SMAD6: variants seen among roughly 807,000 people sequenced by gnomAD.
SMAD6 encodes SMAD family member 6, also known as MAD homolog 6.
In SMAD6, 103 loss-of-function variants were observed where a neutral mutation model predicts 39.4. The observed-to-expected ratio is 2.62, with a 90% CI of 2.23 to 3.08. The LOEUF is 3.08. Ranked by LOEUF, SMAD6 falls within the 30% of genes most tolerant of loss-of-function variation. The pLI, the probability that SMAD6 is intolerant of heterozygous loss-of-function variation, is 0.00. For synonymous variants in SMAD6, 445 were observed against 353.3 expected, an observed-to-expected ratio of 1.26 and a Z score of -2.91; for missense variants, 1,104 against 742.9, an observed-to-expected ratio of 1.49 and a Z score of -5.65.
At chr15:66,723,750 A>G (rs12441023) in intron 3 of SMAD6, among the ~76,000 whole-genome samples, 70 of 152,348 alleles carry the variant, frequency 4.6e-4, no homozygotes, top group Admixed American at 3.5e-3. Context: ...AATCTACTAC[A>G]TGCCAGTGGC....
Position 66,714,631 on chromosome 15 carries a change from G to A in SMAD6, c.875-1790G>A, listed in dbSNP as rs188154069. On this transcript the variant is annotated intron_variant, in intron 2 of 3. Coordinates refer to ENST00000288840, the MANE Select transcript of SMAD6 (RefSeq NM_005585.5). Reference sequence around the variant, plus strand: ...GAGCCCTGATGTTGCTTGACTCATAGTGGAGGCGGGACCTGAACCTGGAGC... The same window carrying A: ...GAGCCCTGATGTTGCTTGACTCATAATGGAGGCGGGACCTGAACCTGGAGC... 1.2e-4 allele frequency among the ~76,000 whole-genome samples: 18 copies of A among 152,318 alleles called. No homozygotes were observed. The East Asian group carries it at 3.1e-3, about 26-fold the overall frequency.
At chr15:66,735,111 C>T (rs538870556) in intron 3 of SMAD6, among the ~76,000 whole-genome samples, 13 of 152,320 alleles carry the variant, frequency 8.5e-5, no homozygotes, top group South Asian at 6.2e-4. Flanking sequence ...GCCCTGGCAG[C>T]GTCATGATGA....
At chr15:66,726,391 C>G (rs1285344260) in intron 3 of SMAD6, among the ~76,000 whole-genome samples, 1 of 152,218 alleles carries the variant, frequency 6.6e-6, no homozygotes, top group Non-Finnish European at 1.5e-5. Flanking sequence ...CCACCAGACT[C>G]TCTCAGCTGG....
intron 2 of SMAD6, among the ~76,000 whole-genome samples, chr15:66,712,059 TC>T (rs1893242813): frequency 6.6e-6 from 1 of 152,202 alleles, no homozygotes; most frequent in South Asian, 2.1e-4. Flanking sequence ...TGTGTCTCTT[TC>T]CTCTCTCTTG....
Position 66,703,064 on chromosome 15 carries a change from C to A in SMAD6, c.-195C>A. On this transcript the variant is annotated 5_prime_UTR_variant, in exon 1 of 4. Transcript: ENST00000288840. ...TCGGCGTGCGCGTGTTCCCGGCCGT[C>A]CCGCCTCGGCGAGCTCCCTCATGTT... 1 of 416,008 alleles carries A rather than the reference C, an allele frequency of 2.4e-6. No homozygotes were observed. Among genetic ancestry groups the A allele is most frequent in the Non-Finnish European group, 4.3e-6 (1 of 230,748 alleles). The allele number at this position is 416,008 out of a possible 1,614,324, so 25.8% of individuals were successfully genotyped here.
rs571692867 is a variant in SMAD6, at chr15:66,762,340, G to A, written c.953-18657G>A. On this transcript the variant is annotated intron_variant, in intron 3 of 3. Coordinates refer to ENST00000288840, the MANE Select transcript of SMAD6 (RefSeq NM_005585.5). ...CAGTAGGCGCTTAGCAAGCGGGTGAGAGGGGCCCTGTCTCAAGGAAACGCC... is the reference window on the plus strand; with the variant it reads ...CAGTAGGCGCTTAGCAAGCGGGTGAAAGGGGCCCTGTCTCAAGGAAACGCC... Among the ~76,000 whole-genome samples the A allele has an allele frequency of 4.4e-3, 664 of 152,332 alleles. 3 individuals are homozygous for A. The highest frequency in any genetic ancestry group is 0.014 in the Middle Eastern group (4 of 294).
intron 3 of SMAD6, among the ~76,000 whole-genome samples, chr15:66,753,636 C>T (rs1894046460): frequency 2.0e-5 from 3 of 152,212 alleles, no homozygotes; most frequent in Non-Finnish European, 4.4e-5. Context: ...TAGCCTTCTG[C>T]CATGGTAGGA....
intron 3 of SMAD6, among the ~76,000 whole-genome samples, chr15:66,742,043 G>GGA (rs1214386934): frequency 2.0e-5 from 3 of 152,310 alleles, no homozygotes; most frequent in African/African-American, 7.2e-5. Flanking sequence ...CCAGGGCAGC[G>GGA]GAGGTCTTGC....
intron 3 of SMAD6, among the ~76,000 whole-genome samples, chr15:66,750,959 G>T (rs374673021): frequency 6.6e-6 from 1 of 152,156 alleles, no homozygotes; most frequent in Non-Finnish European, 1.5e-5. Context: ...TGAGCAGAGC[G>T]CCGGCAGAGG....
At chr15:66,714,490 G>T (rs2140600986) in intron 2 of SMAD6, among the ~76,000 whole-genome samples, 1 of 152,328 alleles carries the variant, frequency 6.6e-6, no homozygotes, top group East Asian at 1.9e-4. Context: ...ACACAGCCAG[G>T]CTTGTCCATT....
intron 3 of SMAD6, 22 bp from the exon 4 acceptor site, chr15:66,780,975 G>A (rs1464691075): frequency 6.5e-7 from 1 of 1,534,086 alleles, no homozygotes; most frequent in East Asian, 2.4e-5. Flanking sequence ...ATAACGCGGC[G>A]GTCCCTGTGC....
Position 66,781,144 on chromosome 15 carries a change from GCCTGGGCCAGCTCAA to G in SMAD6, c.1106_1120del (p.Gly369_Leu373del). Reference sequence around the variant, plus strand: ...GACCTACCTCAGGGCAGCGGCTTCTGCCTGGGCCAGCTCAACCTGGAGCAGCGCAGCGAGTCGGTG... The same window carrying G: ...GACCTACCTCAGGGCAGCGGCTTCTGCCTGGAGCAGCGCAGCGAGTCGGTG... On this transcript the variant is annotated inframe_deletion, in exon 4 of 4. Coordinates refer to ENST00000288840, the MANE Select transcript of SMAD6 (RefSeq NM_005585.5). The G allele has an allele frequency of 6.2e-7, 1 of 1,608,256 alleles. No individual in the cohort carries two copies. The highest frequency in any genetic ancestry group is 8.5e-7 in the Non-Finnish European group (1 of 1,179,730).
chr15:66,727,974 TCCC>T (rs1893552762), intron 3 of SMAD6, among the ~76,000 whole-genome samples: 1 of 151,990 alleles, frequency 6.6e-6, no homozygotes, highest in Admixed American at 6.5e-5. Flanking sequence ...TGCCTCAGCC[TCCC>T]CAAGTAGCTG....
At chr15:66,713,216 G>A (rs973115048) in intron 2 of SMAD6, among the ~76,000 whole-genome samples, 6 of 152,190 alleles carry the variant, frequency 3.9e-5, no homozygotes, top group African/African-American at 1.4e-4. Flanking sequence ...GCGTGGCAAC[G>A]ATGCTGCAAC....
intron 3 of SMAD6, among the ~76,000 whole-genome samples, chr15:66,725,524 G>A: frequency 6.6e-6 from 1 of 152,240 alleles, no homozygotes; most frequent in Admixed American, 6.5e-5. Flanking sequence ...GGAGAGATGG[G>A]AGCTCACAGA....
intron 1 of SMAD6, chr15:66,704,467 G>A (rs1472375323): frequency 5.8e-6 from 1 of 173,388 alleles, no homozygotes; most frequent in Non-Finnish European, 1.2e-5. Context: ...CAGGCTTCTA[G>A]CATTTGTATG....
At chr15:66,710,341 T>C (rs1893203861) in intron 1 of SMAD6, among the ~76,000 whole-genome samples, 1 of 152,208 alleles carries the variant, frequency 6.6e-6, no homozygotes, top group African/African-American at 2.4e-5. Flanking sequence ...TTCGCGTCTC[T>C]CTCAGTGGCT....
intron 3 of SMAD6, among the ~76,000 whole-genome samples, chr15:66,740,175 TCA>T: frequency 6.6e-6 from 1 of 152,318 alleles, no homozygotes; most frequent in Middle Eastern, 3.4e-3. Context: ...GCCGTGGCAC[TCA>T]CCCTGGCAGT....
chr15:66,703,302 G>A lies in SMAD6; in HGVS notation c.44G>A (p.Arg15Gln), dbSNP rs1210880940. The A allele has an allele frequency of 1.3e-6, 2 of 1,492,678 alleles. No homozygotes were observed. Among genetic ancestry groups the A allele is most frequent in the African/African-American group, 1.5e-5 (1 of 68,464 alleles). The allele number at this position is 1,492,678 out of a possible 1,614,324, so 92.5% of individuals were successfully genotyped here. A position where few individuals can be genotyped will look rare whatever the true frequency, so the allele number is the denominator to read the frequency against. Residue 15 changes from arginine to glutamine, a missense_variant, in exon 1 of 4, where the codon CGA (arginine) becomes CAA (glutamine). Transcript: ENST00000288840. Reference sequence around the variant, plus strand: ...TCGGGGCTGGTGCGGCGACTTTGGCGAAGTCGTGTGGTCCCCGACCGGGAG... The same window carrying A: ...TCGGGGCTGGTGCGGCGACTTTGGCAAAGTCGTGTGGTCCCCGACCGGGAG... The part of the protein sequence containing the change: ...KRSGLVRRLW[R>Q]SRVVPDREEG...
Sources: allele counts gnomAD v4.1 joint callset (sites outside exome capture counted in the v4.1 genomes callset), GRCh38; gene constraint gnomAD v4.1.1; transcripts MANE v1.5; gene names NCBI Gene and HGNC (gene_info 2026-07-23, HGNC 2026-07-21).